SOX6: variants seen among roughly 807,000 people sequenced by gnomAD.
SOX6 encodes the protein SRY-box transcription factor 6.
A neutral mutation model predicts 97.8 loss-of-function variants in SOX6; 11 were observed. The observed-to-expected ratio is 0.11, with a 90% CI of 0.07 to 0.19. The LOEUF (loss-of-function observed/expected upper bound fraction) is 0.19, where lower values mean the gene tolerates loss of function less well. Ranked by LOEUF, SOX6 falls within the 10% of genes least tolerant of loss-of-function variation. The pLI is 1.00. For synonymous variants in SOX6, 360 were observed against 371.4 expected, an observed-to-expected ratio of 0.97 and a Z score of 0.35; for missense variants, 810 against 1,039.5, an observed-to-expected ratio of 0.78 and a Z score of 3.04.
chr11:16,181,785 T>C (rs545641043), intron 6 of SOX6, among the ~76,000 whole-genome samples: 1 of 151,732 alleles, frequency 6.6e-6, no homozygotes, highest in Admixed American at 6.6e-5. Context: ...TCTTATTTTT[T>C]AAAAAATTTG....
chr11:16,506,299 GC>G (rs1251082347), intron 4 of SOX6, among the ~76,000 whole-genome samples: 10 of 152,184 alleles, frequency 6.6e-5, no homozygotes, highest in Admixed American at 6.5e-4. Context: ...TTATTTTGGA[GC>G]TTTAAGGTTT....
At chr11:16,046,847 C>G in intron 11 of SOX6, 146 bp from the exon 12 acceptor site, 1 of 855,262 alleles carries the variant, frequency 1.2e-6, no homozygotes, top group Non-Finnish European at 1.8e-6. Flanking sequence ...CGCTAATATA[C>G]ATAGAACACA....
intron 1 of SOX6, among the ~76,000 whole-genome samples, chr11:16,383,115 A>G (rs182686731): frequency 4.6e-5 from 7 of 151,950 alleles, no homozygotes; most frequent in African/African-American, 1.7e-4. Flanking sequence ...CATGAAATAG[A>G]GACTTCTGTA....
At chr11:16,659,439 G>A (rs942529183) in intron 3 of SOX6, among the ~76,000 whole-genome samples, 2 of 152,030 alleles carry the variant, frequency 1.3e-5, no homozygotes, top group South Asian at 2.1e-4. Context: ...TATTGGTTAC[G>A]GTAGTTTATG....
At chr11:16,454,664 G>A (rs925342462) in intron 1 of SOX6, among the ~76,000 whole-genome samples, 8 of 152,056 alleles carry the variant, frequency 5.3e-5, no homozygotes, top group African/African-American at 1.4e-4. Flanking sequence ...AATTTACATT[G>A]CTAACAGAAA....
Position 16,290,525 on chromosome 11 carries a change from A to T in SOX6, c.445+27921T>A, listed in dbSNP as rs376130301. Among the ~76,000 whole-genome samples, 21 of 152,218 alleles carry T rather than the reference A, an allele frequency of 1.4e-4. No homozygotes were observed. The East Asian group carries it at 3.1e-3, about 22-fold the overall frequency. On this transcript the variant is annotated intron_variant, in intron 3 of 15. Transcript: ENST00000683767. ...GAACACATTGTCTTTTATGAATATT[A>T]TAATCACAGAATCAATAAGCCTACA...
At chr11:16,621,990 G>T (rs1590015535) in intron 3 of SOX6, among the ~76,000 whole-genome samples, 1 of 152,102 alleles carries the variant, frequency 6.6e-6, no homozygotes, top group Non-Finnish European at 1.5e-5. Context: ...TCACTTATTT[G>T]TAAAAATCAG....
intron 14 of SOX6, among the ~76,000 whole-genome samples, chr11:15,987,924 A>G (rs1853919120): frequency 6.6e-6 from 1 of 152,196 alleles, no homozygotes; most frequent in South Asian, 2.1e-4. Flanking sequence ...GATCTTATGT[A>G]TGTTTTAAAT....
intron 6 of SOX6, among the ~76,000 whole-genome samples, chr11:16,142,356 C>T (rs186228385): frequency 2.0e-5 from 3 of 152,282 alleles, no homozygotes; most frequent in Non-Finnish European, 2.9e-5. Flanking sequence ...ATCTGTACCT[C>T]ACCATCATCA....
chr11:16,172,935 T>C (rs1221797050), intron 6 of SOX6, among the ~76,000 whole-genome samples: 1 of 151,872 alleles, frequency 6.6e-6, no homozygotes, highest in African/African-American at 2.4e-5. Flanking sequence ...AGACTTTACA[T>C]AAGAGTGAGA....
At chr11:16,639,690 G>A (rs1173278729) in intron 3 of SOX6, among the ~76,000 whole-genome samples, 1 of 152,146 alleles carries the variant, frequency 6.6e-6, no homozygotes, top group Non-Finnish European at 1.5e-5. Flanking sequence ...GTGAATGGGT[G>A]TTCACTCATG....
chr11:16,725,078 A>T (rs1848296642), intron 2 of SOX6, among the ~76,000 whole-genome samples: 1 of 152,268 alleles, frequency 6.6e-6, no homozygotes, highest in Non-Finnish European at 1.5e-5. Context: ...TCATTGCAGC[A>T]TTATTCATAA....
At chr11:16,451,879 T>C (rs895548526) in intron 1 of SOX6, among the ~76,000 whole-genome samples, 2 of 151,828 alleles carry the variant, frequency 1.3e-5, no homozygotes, top group African/African-American at 4.8e-5. Flanking sequence ...AAAAAAATTT[T>C]TTTAATTAGC....
chr11:16,345,375 T>C (rs1216159520), intron 1 of SOX6, among the ~76,000 whole-genome samples: 1 of 152,002 alleles, frequency 6.6e-6, no homozygotes, highest in East Asian at 1.9e-4. Flanking sequence ...GTTTAAAATG[T>C]CTCTGCCCAA....
chr11:16,363,257 T>C (rs1006836728), intron 1 of SOX6, among the ~76,000 whole-genome samples: 15 of 152,174 alleles, frequency 9.9e-5, no homozygotes, highest in African/African-American at 3.6e-4. Flanking sequence ...TAGCACTCAA[T>C]AAAGGTTTTT....
chr11:16,267,732 A>G (rs1488266925), intron 3 of SOX6, among the ~76,000 whole-genome samples: 5 of 151,598 alleles, frequency 3.3e-5, no homozygotes, highest in African/African-American at 1.2e-4. Flanking sequence ...TGTCAAAGAG[A>G]TGTCTGCATG....
At chr11:15,987,548 T>C (rs1432136631) in intron 14 of SOX6, among the ~76,000 whole-genome samples, 1 of 152,124 alleles carries the variant, frequency 6.6e-6, no homozygotes. Flanking sequence ...ACACAAATAA[T>C]ATAGATTCCC....
At chr11:16,452,635 C>A (rs1859740391) in intron 1 of SOX6, among the ~76,000 whole-genome samples, 1 of 152,116 alleles carries the variant, frequency 6.6e-6, no homozygotes, top group Non-Finnish European at 1.5e-5. Context: ...CATTTCATTT[C>A]AATGTGCTGC....
Position 16,300,579 on chromosome 11 carries a change from G to C in SOX6, c.445+17867C>G, listed in dbSNP as rs1360732637. ...TTCAGTCTAATGCAATCCTCTCAGT[G>C]CTGGAAAGACATTTTCATTCATTAC... On this transcript the variant is annotated intron_variant, in intron 3 of 15. Transcript: ENST00000683767. The surrounding 1 kb of genome is among the most constrained non-coding windows in gnomAD (Gnocchi z 4.1). Among the ~76,000 whole-genome samples the C allele has an allele frequency of 6.6e-6, 1 of 152,116 alleles. No homozygotes were observed. Among genetic ancestry groups the C allele is most frequent in the Non-Finnish European group, 1.5e-5 (1 of 68,024 alleles).
Sources: allele counts gnomAD v4.1 joint callset (sites outside exome capture counted in the v4.1 genomes callset), GRCh38; gene constraint gnomAD v4.1.1; non-coding constraint Gnocchi (gnomAD v3.1); transcripts MANE v1.5; gene names NCBI Gene and HGNC (gene_info 2026-07-23, HGNC 2026-07-21).